Variants in GRB10 observed in about 807,000 individuals in gnomAD.
GRB10 encodes the protein growth factor receptor bound protein 10, also known as growth factor receptor-bound protein 10.
Under a neutral mutation model 80.9 loss-of-function variants are expected in GRB10, and 20 were observed. The ratio of observed to expected loss-of-function variants is 0.25; its 90% confidence interval spans 0.17 to 0.36. The LOEUF is 0.36. Ranked by LOEUF, GRB10 falls within the 10% of genes least tolerant of loss-of-function variation. The pLI is 1.00. For missense variants in GRB10, 548 were observed against 747.7 expected (o/e 0.73, Z 3.12); for synonymous variants, 291 against 291.5 (o/e 1.00, Z 0.02).
At chr7:50,604,108 G>A in intron 16 of GRB10, 23 bp from the exon 17 acceptor site, 3 of 1,590,074 alleles carry the variant, frequency 1.9e-6, no homozygotes, top group Non-Finnish European at 2.6e-6. Context: ...GACAGGAGGA[G>A]GGTAGGATGG....
At chr7:50,754,267 CT>C (rs1348661682) in intron 3 of GRB10, among the ~76,000 whole-genome samples, 2 of 152,226 alleles carry the variant, frequency 1.3e-5, no homozygotes, top group African/African-American at 4.8e-5. Context: ...GTCTGCAGAG[CT>C]ATCACTGGCC....
intron 17 of GRB10, among the ~76,000 whole-genome samples, chr7:50,603,785 T>C (rs186124303): frequency 1.3e-5 from 2 of 152,326 alleles, no homozygotes; most frequent in East Asian, 3.9e-4. Context: ...ACAGATACAC[T>C]CTGGGCAGAC....
At chr7:50,718,739 A>G (rs2067260386) in intron 4 of GRB10, among the ~76,000 whole-genome samples, 2 of 152,170 alleles carry the variant, frequency 1.3e-5, no homozygotes, top group African/African-American at 2.4e-5. Context: ...GTGCATACTG[A>G]AATTGTAACC....
At chr7:50,719,543 G>A (rs957092292) in intron 4 of GRB10, among the ~76,000 whole-genome samples, 2 of 151,732 alleles carry the variant, frequency 1.3e-5, no homozygotes, top group African/African-American at 2.4e-5. Context: ...GGCGAGGGGA[G>A]GGAGAGCATT....
At chr7:50,671,062 G>A (rs905833025) in intron 6 of GRB10, among the ~76,000 whole-genome samples, 3 of 152,186 alleles carry the variant, frequency 2.0e-5, no homozygotes, top group African/African-American at 4.8e-5. Context: ...AAGTCAAAGC[G>A]AATGTCAAGT....
At chr7:50,773,247 T>C (rs1436388583) in intron 2 of GRB10, among the ~76,000 whole-genome samples, 1 of 151,630 alleles carries the variant, frequency 6.6e-6, no homozygotes, top group Non-Finnish European at 1.5e-5. Flanking sequence ...CCATAGCATG[T>C]GGAAATTATG....
intron 7 of GRB10, among the ~76,000 whole-genome samples, chr7:50,669,151 C>T (rs982885788): frequency 4.6e-5 from 7 of 152,170 alleles, no homozygotes; most frequent in Non-Finnish European, 5.9e-5. Flanking sequence ...AACATCAAAT[C>T]ATTGTTATTA....
At chr7:50,642,955 T>G (rs977240251) in intron 7 of GRB10, among the ~76,000 whole-genome samples, 1 of 152,244 alleles carries the variant, frequency 6.6e-6, no homozygotes, top group African/African-American at 2.4e-5. Context: ...AATGGACATC[T>G]GCAGAGAGCA....
At chr7:50,695,298 T>C (rs2063304635) in intron 5 of GRB10, among the ~76,000 whole-genome samples, 1 of 152,180 alleles carries the variant, frequency 6.6e-6, no homozygotes, top group Non-Finnish European at 1.5e-5. Flanking sequence ...AACCACACAT[T>C]ACTGATAGCA....
intron 2 of GRB10, among the ~76,000 whole-genome samples, chr7:50,778,865 G>A (rs2077980732): frequency 6.6e-6 from 1 of 152,182 alleles, no homozygotes; most frequent in African/African-American, 2.4e-5. Context: ...AAAGAAGGCA[G>A]GTGGGGCTTC....
intron 2 of GRB10, among the ~76,000 whole-genome samples, chr7:50,765,519 T>C (rs1475600902): frequency 6.6e-6 from 1 of 152,210 alleles, no homozygotes; most frequent in African/African-American, 2.4e-5. Flanking sequence ...TGCAACAGCA[T>C]GCATTAACCT....
At chr7:50,731,982 G>A (rs925294676) in intron 4 of GRB10, among the ~76,000 whole-genome samples, 6 of 152,258 alleles carry the variant, frequency 3.9e-5, no homozygotes, top group Non-Finnish European at 7.3e-5. Context: ...AAACACGGAA[G>A]CCCGGCTCTC....
chr7:50,742,393 C>G (rs1223295492), intron 3 of GRB10, among the ~76,000 whole-genome samples: 2 of 152,170 alleles, frequency 1.3e-5, no homozygotes, highest in East Asian at 3.9e-4. Flanking sequence ...TGATGGGACT[C>G]AATGAAGGAG....
chr7:50,784,413 A>G (rs1482531558), upstream of GRB10, among the ~76,000 whole-genome samples: 2 of 152,144 alleles, frequency 1.3e-5, no homozygotes, highest in African/African-American at 4.8e-5. Flanking sequence ...AGGTGGCTCG[A>G]GTGTTCCTCT....
At chr7:50,629,260 AT>A (rs548549001) in intron 7 of GRB10, among the ~76,000 whole-genome samples, 160 of 144,470 alleles carry the variant, frequency 1.1e-3, no homozygotes, top group Middle Eastern at 3.5e-3. Flanking sequence ...TGGTTTTCTC[AT>A]TTTTTTTTTC....
intron 17 of GRB10, among the ~76,000 whole-genome samples, chr7:50,601,433 T>C (rs569757271): frequency 1.3e-5 from 2 of 152,316 alleles, no homozygotes; most frequent in East Asian, 3.9e-4. Context: ...ACCCAGCAGT[T>C]TGGTGACAGA....
chr7:50,725,308 C>T (rs1338829704), intron 4 of GRB10, among the ~76,000 whole-genome samples: 3 of 152,202 alleles, frequency 2.0e-5, no homozygotes, highest in Non-Finnish European at 4.4e-5. Flanking sequence ...TAAGACTTGC[C>T]AGCTTCCCCT....
rs183403804 is a variant in GRB10 at position 50,623,001 on chromosome 7, G to C, written c.662-3716C>G. Among the ~76,000 whole-genome samples the C allele has an allele frequency of 4.2e-3, 633 of 152,280 alleles. 4 individuals are homozygous for C. The highest frequency in any genetic ancestry group is 6.1e-3 in the Non-Finnish European group (416 of 68,032). Reference sequence around the variant, plus strand: ...AATTTGTTTACTTGATATGTCTGCAGGCTGACTGTTTAATATCACTGCATC... The same window carrying C: ...AATTTGTTTACTTGATATGTCTGCACGCTGACTGTTTAATATCACTGCATC... On this transcript the variant is annotated intron_variant, in intron 8 of 18. Coordinates refer to ENST00000401949, the MANE Select transcript of GRB10 (RefSeq NM_001350814.2).
intron 5 of GRB10, among the ~76,000 whole-genome samples, chr7:50,680,983 T>G (rs973717854): frequency 6.6e-6 from 1 of 152,178 alleles, no homozygotes; most frequent in African/African-American, 2.4e-5. Context: ...ACTCAACAAT[T>G]CTACAGATAA....
Sources: allele counts gnomAD v4.1 joint callset (sites outside exome capture counted in the v4.1 genomes callset), GRCh38; gene constraint gnomAD v4.1.1; transcripts MANE v1.5; gene names NCBI Gene and HGNC (gene_info 2026-07-23, HGNC 2026-07-21).